The following ARHGAP28 variants were observed in gnomAD, a reference collection of about 807,000 sequenced individuals.
ARHGAP28 encodes Rho GTPase activating protein 28.
In ARHGAP28, 56 loss-of-function variants were observed where a neutral mutation model predicts 90.7. The observed-to-expected ratio is 0.62, with a 90% confidence interval of 0.50 to 0.77. ARHGAP28 has a LOEUF of 0.77. Among genes scored for constraint, ARHGAP28 ranks in the 30% least tolerant of loss-of-function variants. ARHGAP28 has a pLI of 0.00. For missense variants in ARHGAP28, 869 were observed against 900.9 expected (o/e 0.96, Z 0.45); for synonymous variants, 308 against 323.3 (o/e 0.95, Z 0.51).
At chr18:6,869,926 C>A (rs550564482) in intron 6 of ARHGAP28, among the ~76,000 whole-genome samples, 6 of 152,316 alleles carry the variant, frequency 3.9e-5, no homozygotes, top group African/African-American at 9.6e-5. Flanking sequence ...CTCAGTGACT[C>A]TTTTGTCTTA....
chr18:6,795,963 C>T (rs980694964), intron 1 of ARHGAP28, among the ~76,000 whole-genome samples: 2 of 152,234 alleles, frequency 1.3e-5, no homozygotes, highest in African/African-American at 4.8e-5. Flanking sequence ...AATCAAACTA[C>T]AGCATATGAC....
rs1032405996 is a variant in ARHGAP28 at position 6,824,831 on chromosome 18, C to A, written c.192C>A (p.Phe64Leu). Residue 64 changes from phenylalanine to leucine, a missense_variant, in exon 2 of 18, where the codon TTC becomes TTA. Coordinates refer to ENST00000383472, the MANE Select transcript of ARHGAP28 (RefSeq NM_001366230.1). ...LSNESLHPPAFSRSNSEASVD... is the reference protein window; with the variant it reads ...LSNESLHPPALSRSNSEASVD... ...ATGAATCCCTCCATCCTCCTGCCTT[C>A]AGCCGTTCCAACTCAGAAGCCTCCG... 5 of 1,536,394 alleles carry A rather than the reference C, an allele frequency of 3.3e-6. No homozygotes were observed. In the African/African-American group the frequency reaches 6.8e-5, roughly 21 times the overall value.
intron 5 of ARHGAP28, among the ~76,000 whole-genome samples, chr18:6,866,269 C>A (rs947168315): frequency 6.6e-6 from 1 of 152,108 alleles, no homozygotes; most frequent in East Asian, 1.9e-4. Flanking sequence ...CTTTCAAAAC[C>A]TTCCATAATT....
chr18:6,835,037 T>A (rs975940816), intron 2 of ARHGAP28, among the ~76,000 whole-genome samples: 2 of 152,332 alleles, frequency 1.3e-5, no homozygotes, highest in Admixed American at 6.5e-5. Flanking sequence ...GTTGAAGTTA[T>A]GTATTTGACA....
intron 1 of ARHGAP28, among the ~76,000 whole-genome samples, chr18:6,731,275 AAT>A (rs1477776691): frequency 2.1e-5 from 3 of 143,522 alleles, no homozygotes; most frequent in African/African-American, 7.6e-5. Flanking sequence ...TAACTAAATA[AAT>A]ATATATATGT....
At position 6,783,331 on chromosome 18, in the gene ARHGAP28, C is replaced by T. The variant is rs1373932217; in HGVS notation, c.123-41431C>T. ...TTTTTTTTTTTTTGAGATGGAGTTT[C>T]GCTCTTGTTACCAAGGCTGGAGTGC... On this transcript the variant is annotated intron_variant, in intron 1 of 17. Coordinates refer to ENST00000383472, the MANE Select transcript of ARHGAP28 (RefSeq NM_001366230.1). Among the ~76,000 whole-genome samples, 13 of 142,000 alleles carry T rather than the reference C, an allele frequency of 9.2e-5. No homozygotes were observed. The East Asian group carries it at 2.8e-3, about 31-fold the overall frequency. 93.2% of individuals were successfully genotyped at this position (142,000 alleles called of 152,430 possible).
At chr18:6,780,449 A>T (rs1286206582) in intron 1 of ARHGAP28, among the ~76,000 whole-genome samples, 1 of 152,172 alleles carries the variant, frequency 6.6e-6, no homozygotes, top group African/African-American at 2.4e-5. Context: ...TGCTTAAGTT[A>T]TATGCAAACA....
At position 6,868,184 on chromosome 18, in the gene ARHGAP28, A is replaced by T. The variant is rs770388120; in HGVS notation, c.761A>T (p.His254Leu). 1 of 1,614,152 alleles carries T rather than the reference A, an allele frequency of 6.2e-7. No homozygotes were observed. The highest frequency in any genetic ancestry group is 8.5e-7 in the Non-Finnish European group (1 of 1,180,014). Residue 254 changes from histidine to leucine, a missense_variant, in exon 6 of 18, where the codon CAT becomes CTT. Physicochemically the swap from His to Leu is moderately conservative, Grantham distance 99. Transcript: ENST00000383472. ...GAGACCATTCCAGTTCTACCAGTTCATTCCAATGGATCACCGGAGCCTGGA... is the reference window on the plus strand; with the variant it reads ...GAGACCATTCCAGTTCTACCAGTTCTTTCCAATGGATCACCGGAGCCTGGA... ...ILETIPVLPV[H>L]SNGSPEPGQP...
At position 6,913,339 on chromosome 18, in the gene ARHGAP28, A is replaced by G. The variant is rs1185721049; in HGVS notation, c.*1185A>G. The G allele has an allele frequency of 1.3e-5, 2 of 152,214 alleles. No homozygotes were observed. The highest frequency in any genetic ancestry group is 2.9e-5 in the Non-Finnish European group (2 of 68,040). 9.4% of individuals were successfully genotyped at this position (152,214 alleles called of 1,614,324 possible). A position where few individuals can be genotyped will look rare whatever the true frequency, so the allele number is the denominator to read the frequency against. ...TCTAAAAGGTGCTGAGGGATTGGAC[A>G]GCTCTGACTTTCCTCGAGACTATGG... On this transcript the variant is annotated 3_prime_UTR_variant, in exon 18 of 18. Coordinates refer to ENST00000383472, the MANE Select transcript of ARHGAP28 (RefSeq NM_001366230.1).
intron 3 of ARHGAP28, among the ~76,000 whole-genome samples, chr18:6,842,233 G>A (rs558313557): frequency 1.6e-4 from 24 of 152,174 alleles, no homozygotes; most frequent in African/African-American, 5.8e-4. Context: ...CGTACCTGCT[G>A]TCCCATGCCT....
At chr18:6,730,074 TGAGTGA>T in intron 1 of ARHGAP28, 131 bp downstream of exon 1, 1 of 932,482 alleles carries the variant, frequency 1.1e-6, no homozygotes, top group Non-Finnish European at 1.4e-6. Flanking sequence ...GTGGACTAGA[TGAGTGA>T]GCCTGGGGTT....
At chr18:6,874,355 G>A (rs1441669302) in intron 9 of ARHGAP28, among the ~76,000 whole-genome samples, 1 of 152,186 alleles carries the variant, frequency 6.6e-6, no homozygotes, top group African/African-American at 2.4e-5. Context: ...AATTTTGGTG[G>A]AAGGAGGTTT....
rs942666262 is a variant in ARHGAP28 at position 6,782,345 on chromosome 18, G to A, written c.123-42417G>A. 4.6e-5 allele frequency among the ~76,000 whole-genome samples: 7 copies of A among 152,028 alleles called. No homozygotes were observed. In the South Asian group the frequency reaches 1.0e-3, roughly 23 times the overall value. On this transcript the variant is annotated intron_variant, in intron 1 of 17. Coordinates refer to ENST00000383472, the MANE Select transcript of ARHGAP28 (RefSeq NM_001366230.1). ...ATGTTATTCCTAACAGCCTCGATTA[G>A]AGTATTAATGAGGAATCCCTTGAAA...
In ARHGAP28 at chr18:6,892,159, T is replaced by TTTGA. The variant is rs574382766; in HGVS notation, c.1848+1617_1848+1620dup. On this transcript the variant is annotated intron_variant, in intron 14 of 17. Transcript: ENST00000383472. ...TAATATAAAATTCACTATTTTAAGCTTTGAAATTATACCAATTCAGTGTGT... is the reference window on the plus strand; with the variant it reads ...TAATATAAAATTCACTATTTTAAGCTTTGATTGAAATTATACCAATTCAGTGTGT... 2.5e-3 allele frequency among the ~76,000 whole-genome samples: 379 copies of TTTGA among 152,326 alleles called. 2 individuals carry two copies. Among genetic ancestry groups the TTTGA allele is most frequent in the African/African-American group, 8.2e-3 (341 of 41,572 alleles).
In ARHGAP28 at chr18:6,912,062, G is replaced by T; in HGVS notation, c.2098G>T (p.Glu700Ter). 6.3e-7 allele frequency: 1 copy of T among 1,591,642 alleles called. No individual in the cohort carries two copies. Among genetic ancestry groups the T allele is most frequent in the Non-Finnish European group, 8.6e-7 (1 of 1,164,048 alleles). Residue 700 changes from glutamate to a stop codon, truncating the protein, a stop_gained and splice_region_variant, in exon 18 of 18, where the codon GAG becomes TAG. Coordinates refer to ENST00000383472, the MANE Select transcript of ARHGAP28 (RefSeq NM_001366230.1). LOFTEE classifies it high-confidence loss of function. Reference protein sequence around the residue: ...RLYEIGGNIGEHCLDPDAYIL... With the variant: ...RLYEIGGNIG ...TCTGATCTTTCTCTTTCTTTTAGGAGAGCATTGCTTGGATCCAGATGCTTA... is the reference window on the plus strand; with the variant it reads ...TCTGATCTTTCTCTTTCTTTTAGGATAGCATTGCTTGGATCCAGATGCTTA...
intron 1 of ARHGAP28, among the ~76,000 whole-genome samples, chr18:6,780,902 A>G (rs2143478482): frequency 6.6e-6 from 1 of 152,120 alleles, no homozygotes; most frequent in African/African-American, 2.4e-5. Flanking sequence ...TCCAAAAAAA[A>G]AAAAAAAAAT....
chr18:6,785,153 C>T (rs1360205789), intron 1 of ARHGAP28, among the ~76,000 whole-genome samples: 1 of 152,200 alleles, frequency 6.6e-6, no homozygotes, highest in Non-Finnish European at 1.5e-5. Context: ...ATTAGGTTCT[C>T]TTCTTTTATC....
intron 4 of ARHGAP28, among the ~76,000 whole-genome samples, chr18:6,852,400 T>C (rs1017079951): frequency 1.3e-5 from 2 of 152,254 alleles, no homozygotes; most frequent in Admixed American, 6.5e-5. Context: ...TTATTTTCAG[T>C]GTCTTAAATG....
intron 5 of ARHGAP28, among the ~76,000 whole-genome samples, chr18:6,862,339 C>A (rs188453801): frequency 6.6e-6 from 1 of 152,128 alleles, no homozygotes; most frequent in Non-Finnish European, 1.5e-5. Flanking sequence ...GCTAAATTCC[C>A]GGGGCCAACT....
Sources: allele counts gnomAD v4.1 joint callset (sites outside exome capture counted in the v4.1 genomes callset), GRCh38; gene constraint gnomAD v4.1.1; transcripts MANE v1.5; gene names NCBI Gene and HGNC (gene_info 2026-07-23, HGNC 2026-07-21).